The following TANGO6 variants were observed in gnomAD, a reference collection of about 807,000 sequenced individuals.
TANGO6 encodes the protein transport and Golgi organization protein 6 homolog.
A neutral mutation model predicts 114.2 loss-of-function variants in TANGO6; 90 were observed. The observed-to-expected ratio is 0.79, with a 90% confidence interval of 0.66 to 0.94. The LOEUF is 0.94. TANGO6 is among the 40% of genes least tolerant of loss of function. The probability of loss-of-function intolerance (pLI) is 0.00; values close to 1 mark genes in which losing one functional copy is unlikely to be tolerated. For synonymous variants in TANGO6, 477 were observed against 509.8 expected, an observed-to-expected ratio of 0.94 and a Z score of 0.87; for missense variants, 1,274 against 1,315.3, an observed-to-expected ratio of 0.97 and a Z score of 0.49.
At chr16:68,851,507 A>G (rs1309533954) in intron 1 of TANGO6, among the ~76,000 whole-genome samples, 2 of 152,226 alleles carry the variant, frequency 1.3e-5, no homozygotes, top group Non-Finnish European at 1.5e-5. Context: ...ACATGATGGT[A>G]CGTATAAATC....
intron 17 of TANGO6, among the ~76,000 whole-genome samples, chr16:69,048,888 T>A (rs541683215): frequency 7.2e-5 from 11 of 152,266 alleles, no homozygotes; most frequent in African/African-American, 2.4e-4. Context: ...AGTACTAGGC[T>A]GGGGACAGAC....
At chr16:69,003,196 G>A (rs1226464313) in intron 15 of TANGO6, among the ~76,000 whole-genome samples, 1 of 152,124 alleles carries the variant, frequency 6.6e-6, no homozygotes, top group Admixed American at 6.6e-5. Context: ...ATTTAACCAT[G>A]GATGCACAAG....
At chr16:69,002,924 C>T (rs1019644617) in intron 15 of TANGO6, among the ~76,000 whole-genome samples, 2 of 151,918 alleles carry the variant, frequency 1.3e-5, no homozygotes, top group African/African-American at 4.8e-5. Context: ...CACCTATAGT[C>T]CCAGCTACTC....
At chr16:68,875,742 C>T (rs960893913) in intron 5 of TANGO6, among the ~76,000 whole-genome samples, 1 of 150,462 alleles carries the variant, frequency 6.6e-6, no homozygotes, top group African/African-American at 2.5e-5. Context: ...ACACTCCAGC[C>T]TGGGCAACAA....
At chr16:68,901,457 C>T (rs1450849862) in intron 8 of TANGO6, among the ~76,000 whole-genome samples, 1 of 152,182 alleles carries the variant, frequency 6.6e-6, no homozygotes, top group African/African-American at 2.4e-5. Context: ...CATCTGTGAA[C>T]TTGGTTTCAA....
intron 14 of TANGO6, among the ~76,000 whole-genome samples, chr16:68,943,272 TTA>T (rs879556567): frequency 6.6e-6 from 1 of 151,142 alleles, no homozygotes; most frequent in Non-Finnish European, 1.5e-5. Flanking sequence ...TTTTATTTTA[TTA>T]TTTTTATTTT....
At chr16:68,921,307 C>T (rs1312777480) in intron 12 of TANGO6, among the ~76,000 whole-genome samples, 1 of 151,274 alleles carries the variant, frequency 6.6e-6, no homozygotes, top group Non-Finnish European at 1.5e-5. Context: ...CTCAGCCTCC[C>T]AAGTAGCTGG....
chr16:68,938,125 A>G (rs1157891451), intron 14 of TANGO6, among the ~76,000 whole-genome samples: 1 of 152,168 alleles, frequency 6.6e-6, no homozygotes, highest in African/African-American at 2.4e-5. Flanking sequence ...CTTTTTATCA[A>G]AGCTGTCGAG....
At chr16:69,003,667 T>C (rs1964065188) in intron 15 of TANGO6, among the ~76,000 whole-genome samples, 1 of 152,198 alleles carries the variant, frequency 6.6e-6, no homozygotes, top group African/African-American at 2.4e-5. Flanking sequence ...TTGTAGTTTA[T>C]TTAATTATAT....
At chr16:68,963,248 A>G (rs1963612558) in intron 14 of TANGO6, among the ~76,000 whole-genome samples, 1 of 151,918 alleles carries the variant, frequency 6.6e-6, no homozygotes, top group South Asian at 2.1e-4. Flanking sequence ...CAGCCTCCAT[A>G]GTAGCTGGGA....
At chr16:68,886,868 TG>T (rs1323964736) in intron 7 of TANGO6, among the ~76,000 whole-genome samples, 1 of 151,286 alleles carries the variant, frequency 6.6e-6, no homozygotes, top group East Asian at 2.0e-4. Flanking sequence ...AGTGCAGTTG[TG>T]CGATCTCAGC....
chr16:68,998,921 C>A (rs1164616660), intron 15 of TANGO6, among the ~76,000 whole-genome samples: 1 of 151,566 alleles, frequency 6.6e-6, no homozygotes, highest in Non-Finnish European at 1.5e-5. Context: ...CTCACTCTGT[C>A]ACCCAGGCTG....
chr16:68,864,759 G>A (rs1315210489), intron 3 of TANGO6, among the ~76,000 whole-genome samples: 1 of 152,122 alleles, frequency 6.6e-6, no homozygotes, highest in African/African-American at 2.4e-5. Context: ...CCCGTGTGCA[G>A]GTGTTTGAAT....
intron 7 of TANGO6, among the ~76,000 whole-genome samples, chr16:68,882,651 A>T (rs1195165311): frequency 6.6e-6 from 1 of 152,226 alleles, no homozygotes; most frequent in Non-Finnish European, 1.5e-5. Flanking sequence ...AAATTTACTA[A>T]AATTCACTGA....
At chr16:68,957,678 C>T (rs1376444649) in intron 14 of TANGO6, among the ~76,000 whole-genome samples, 1 of 151,802 alleles carries the variant, frequency 6.6e-6, no homozygotes, top group Non-Finnish European at 1.5e-5. Flanking sequence ...GGATTACAGG[C>T]GTGAGTCACC....
At chr16:69,071,217 T>C (rs1960293919) in intron 17 of TANGO6, among the ~76,000 whole-genome samples, 1 of 152,192 alleles carries the variant, frequency 6.6e-6, no homozygotes, top group Non-Finnish European at 1.5e-5. Context: ...AATGCCTAAC[T>C]TCTGGAAATG....
At chr16:69,060,142 T>C (rs996516522) in intron 17 of TANGO6, among the ~76,000 whole-genome samples, 1 of 152,166 alleles carries the variant, frequency 6.6e-6, no homozygotes, top group African/African-American at 2.4e-5. Context: ...AGGACTCCGC[T>C]ACATGTTATA....
chr16:68,975,925 G>A (rs1963761462), intron 15 of TANGO6, among the ~76,000 whole-genome samples: 1 of 151,576 alleles, frequency 6.6e-6, no homozygotes. Flanking sequence ...TTATGGGTTT[G>A]GTTTTTGTTG....
At chr16:68,863,318 G>A (rs1962128350) in intron 3 of TANGO6, among the ~76,000 whole-genome samples, 1 of 152,032 alleles carries the variant, frequency 6.6e-6, no homozygotes, top group East Asian at 1.9e-4. Flanking sequence ...AAGACTTATG[G>A]CAATTTTGGC....
Sources: allele counts gnomAD v4.1 joint callset (sites outside exome capture counted in the v4.1 genomes callset), GRCh38; gene constraint gnomAD v4.1.1; transcripts MANE v1.5; gene names NCBI Gene and HGNC (gene_info 2026-07-23, HGNC 2026-07-21).